FHIT: variants seen among roughly 807,000 people sequenced by gnomAD.
FHIT encodes fragile histidine triad diadenosine triphosphatase.
A neutral mutation model predicts 17.9 loss-of-function variants in FHIT; 19 were observed. The ratio of observed to expected loss-of-function variants is 1.06; its 90% confidence interval spans 0.74 to 1.56. The LOEUF (loss-of-function observed/expected upper bound fraction) is 1.56, where lower values mean the gene tolerates loss of function less well. FHIT is among the 40% of genes most tolerant of loss of function. The pLI is 0.00. For synonymous variants in FHIT, 81 were observed against 69.7 expected, an observed-to-expected ratio of 1.16 and a Z score of -0.81; for missense variants, 248 against 189.2, an observed-to-expected ratio of 1.31 and a Z score of -1.82.
chr3:60,004,571 G>T (rs1261089967), intron 7 of FHIT, among the ~76,000 whole-genome samples: 1 of 152,056 alleles, frequency 6.6e-6, no homozygotes, highest in Non-Finnish European at 1.5e-5. Flanking sequence ...ATTAATATGT[G>T]GTAAGGGTGA....
chr3:59,788,960 TAAG>T (rs1015953394), intron 8 of FHIT, among the ~76,000 whole-genome samples: 1 of 139,632 alleles, frequency 7.2e-6, no homozygotes, highest in African/African-American at 2.7e-5. Flanking sequence ...TTATGAATGT[TAAG>T]AAGATTATGC....
chr3:61,148,766 A>G (rs1373239714), intron 2 of FHIT, among the ~76,000 whole-genome samples: 1 of 152,230 alleles, frequency 6.6e-6, no homozygotes, highest in Non-Finnish European at 1.5e-5. Context: ...GCAAGGTCTA[A>G]TATTTCCTTT....
intron 7 of FHIT, among the ~76,000 whole-genome samples, chr3:60,004,118 TCTGA>T (rs1444416593): frequency 2.0e-5 from 3 of 152,122 alleles, no homozygotes; most frequent in East Asian, 3.9e-4. Flanking sequence ...AAGGTAAGAC[TCTGA>T]CTGAATAATA....
chr3:59,909,258 T>C (rs1704746895), intron 8 of FHIT, among the ~76,000 whole-genome samples: 1 of 152,090 alleles, frequency 6.6e-6, no homozygotes, highest in Non-Finnish European at 1.5e-5. Context: ...GATCTGGAAC[T>C]CCTGATCTCA....
At chr3:60,455,336 G>T (rs2032020971) in intron 5 of FHIT, among the ~76,000 whole-genome samples, 1 of 152,060 alleles carries the variant, frequency 6.6e-6, no homozygotes, top group Non-Finnish European at 1.5e-5. Context: ...AGACTTTGAG[G>T]TCTTTTCCCT....
At chr3:60,113,711 T>A (rs1704787734) in intron 5 of FHIT, among the ~76,000 whole-genome samples, 1 of 151,250 alleles carries the variant, frequency 6.6e-6, no homozygotes, top group Non-Finnish European at 1.5e-5. Flanking sequence ...ATGATAAATT[T>A]TATCATTGGG....
At chr3:59,813,815 G>A (rs76528062) in intron 8 of FHIT, among the ~76,000 whole-genome samples, 4,155 of 152,186 alleles carry the variant, frequency 0.027, 200 homozygotes, top group African/African-American at 0.094. Context: ...TCAATAAACA[G>A]CTAGATAAGT....
chr3:60,494,986 C>G (rs1322174825), intron 5 of FHIT, among the ~76,000 whole-genome samples: 1 of 152,134 alleles, frequency 6.6e-6, no homozygotes, highest in African/African-American at 2.4e-5. Context: ...GGGTATATAT[C>G]CAACAGTGGG....
At chr3:60,300,375 C>T (rs1708406617) in intron 5 of FHIT, among the ~76,000 whole-genome samples, 1 of 151,992 alleles carries the variant, frequency 6.6e-6, no homozygotes, top group South Asian at 2.1e-4. Flanking sequence ...CACAGCTTTA[C>T]TTGAGAAGAA....
intron 4 of FHIT, among the ~76,000 whole-genome samples, chr3:60,571,278 G>A (rs2037369804): frequency 1.4e-5 from 2 of 140,078 alleles, no homozygotes; most frequent in South Asian, 2.3e-4. Context: ...AGAGGTGGCA[G>A]TGAGCTGAGA....
chr3:60,014,219 C>T (rs1377253185), intron 5 of FHIT, 67 bp from the exon 6 acceptor site: 17 of 1,533,140 alleles, frequency 1.1e-5, no homozygotes, highest in Non-Finnish European at 1.5e-5. Context: ...GCAGTTCATA[C>T]CCACAGGATT....
intron 8 of FHIT, among the ~76,000 whole-genome samples, chr3:59,866,279 C>T (rs1037321310): frequency 1.4e-5 from 2 of 142,066 alleles, no homozygotes; most frequent in African/African-American, 5.7e-5. Flanking sequence ...GAGGAAGTGG[C>T]CAGTACAGAC....
intron 7 of FHIT, among the ~76,000 whole-genome samples, chr3:60,004,800 C>A (rs1304234323): frequency 6.6e-6 from 1 of 152,006 alleles, no homozygotes; most frequent in East Asian, 1.9e-4. Flanking sequence ...AATATTAATG[C>A]CTACTTTTGC....
At chr3:60,587,021 C>T (rs554096107) in intron 4 of FHIT, among the ~76,000 whole-genome samples, 1 of 152,002 alleles carries the variant, frequency 6.6e-6, no homozygotes, top group South Asian at 2.1e-4. Flanking sequence ...TTCAAACATC[C>T]TGCCTAGGAT....
At chr3:60,563,860 A>C (rs937157535) in intron 4 of FHIT, among the ~76,000 whole-genome samples, 3 of 152,228 alleles carry the variant, frequency 2.0e-5, no homozygotes, top group African/African-American at 7.2e-5. Flanking sequence ...GTGAAGCAGC[A>C]AGTGCTAATA....
chr3:61,105,986 G>A (rs1037991856), intron 2 of FHIT, among the ~76,000 whole-genome samples: 1 of 152,310 alleles, frequency 6.6e-6, no homozygotes, highest in African/African-American at 2.4e-5. Flanking sequence ...CAACTTAGCA[G>A]ATAAAAGGCC....
At chr3:60,408,119 T>C (rs1477913438) in intron 5 of FHIT, among the ~76,000 whole-genome samples, 3 of 152,356 alleles carry the variant, frequency 2.0e-5, no homozygotes, top group Non-Finnish European at 2.9e-5. Context: ...TCAGTTTATA[T>C]GTGTGTAACA....
chr3:61,099,213 G>T (rs1195306915), intron 2 of FHIT, among the ~76,000 whole-genome samples: 1 of 152,174 alleles, frequency 6.6e-6, no homozygotes, highest in Non-Finnish European at 1.5e-5. Context: ...TTTATGTGAT[G>T]AATAACATTT....
intron 5 of FHIT, among the ~76,000 whole-genome samples, chr3:60,332,365 C>CT (rs1710022181): frequency 6.6e-6 from 1 of 152,186 alleles, no homozygotes; most frequent in Non-Finnish European, 1.5e-5. Flanking sequence ...GTATGCTTGG[C>CT]TATAGAGTAT....
Sources: gnomAD v4.1 joint callset for allele counts (sites outside exome capture counted in the v4.1 genomes callset) on GRCh38, gnomAD v4.1.1 for gene constraint, MANE v1.5 for transcripts, NCBI Gene and HGNC (gene_info 2026-07-23, HGNC 2026-07-21) for gene names.